ITPR2: variants seen among roughly 807,000 people sequenced by gnomAD.
The protein encoded by ITPR2 is inositol 1,4,5-trisphosphate receptor type 2.
In ITPR2, 207 loss-of-function variants were observed where a neutral mutation model predicts 317.1. That is an observed-to-expected ratio of 0.65 (90% CI 0.58 to 0.73). The LOEUF (loss-of-function observed/expected upper bound fraction) is 0.73, where lower values mean the gene tolerates loss of function less well. Among genes scored for constraint, ITPR2 ranks in the 30% least tolerant of loss-of-function variants. The probability of loss-of-function intolerance (pLI) is 0.00; values close to 1 mark genes in which losing one functional copy is unlikely to be tolerated. For synonymous variants in ITPR2, 1,156 were observed against 1,149.1 expected (o/e 1.01, Z -0.12); for missense variants, 2,613 against 3,284.0 (o/e 0.80, Z 4.99).
At chr12:26,677,966 G>C (rs1193677512) in intron 13 of ITPR2, among the ~76,000 whole-genome samples, 2 of 152,094 alleles carry the variant, frequency 1.3e-5, no homozygotes, top group Non-Finnish European at 2.9e-5. Flanking sequence ...ACCATCCCTC[G>C]AGAGGGTAAG....
At position 26,436,003 on chromosome 12, in the gene ITPR2, T is replaced by C. The variant is rs188351026; in HGVS notation, c.6769+218A>G. Among the ~76,000 whole-genome samples, 86 of 152,296 alleles carry C rather than the reference T, an allele frequency of 5.6e-4. 1 individual carries two copies. Among genetic ancestry groups the C allele is most frequent in the African/African-American group, 1.9e-3 (79 of 41,576 alleles). On this transcript the variant is annotated intron_variant, in intron 48 of 56. Coordinates refer to ENST00000381340, the MANE Select transcript of ITPR2 (RefSeq NM_002223.4). ...TTTCATTGCTTTATTTGCCAAGATA[T>C]AATATAGCTCTAATAACAATTGTGT... is the stretch of plus-strand genomic sequence containing the variant.
At position 26,585,075 on chromosome 12, in the gene ITPR2, T is replaced by C. The variant is rs565199622; in HGVS notation, c.4381-4920A>G. Among the ~76,000 whole-genome samples, 6 of 152,270 alleles carry C rather than the reference T, an allele frequency of 3.9e-5. No homozygotes were observed. The East Asian group carries it at 9.6e-4, about 24-fold the overall frequency. On this transcript the variant is annotated intron_variant, in intron 32 of 56. Coordinates refer to ENST00000381340, the MANE Select transcript of ITPR2 (RefSeq NM_002223.4). ...ACAACATTTTCATAATACCAATACA[T>C]ATTAATTGTAGGAACTCTGAAAAAT... is the stretch of plus-strand genomic sequence containing the variant.
chr12:26,602,270 C>G (rs1946018479), intron 28 of ITPR2, 100 bp downstream of exon 28: 2 of 1,347,142 alleles, frequency 1.5e-6, no homozygotes, highest in Non-Finnish European at 2.0e-6. Flanking sequence ...GTGATTTATT[C>G]TAAAATAATT....
rs537390299 is a variant in ITPR2 at position 26,494,666 on chromosome 12, A to C, written c.5183-326T>G. ...ATGACTGTAATCACAGCTACTTGGG[A>C]GGCTGAGGCAGGAGAATTGCTTGAA... On this transcript the variant is annotated intron_variant, in intron 38 of 56. Transcript: ENST00000381340. 2.0e-5 allele frequency among the ~76,000 whole-genome samples: 3 copies of C among 146,904 alleles called. No homozygotes were observed. In the East Asian group the frequency reaches 6.3e-4, roughly 31 times the overall value.
At chr12:26,393,665 T>C (rs1284403709) in intron 54 of ITPR2, among the ~76,000 whole-genome samples, 1 of 152,242 alleles carries the variant, frequency 6.6e-6, no homozygotes, top group Non-Finnish European at 1.5e-5. Flanking sequence ...TTACACTTAG[T>C]TTAAATTACT....
chr12:26,611,321 T>C (rs538927428), intron 26 of ITPR2, among the ~76,000 whole-genome samples: 13 of 152,260 alleles, frequency 8.5e-5, no homozygotes, highest in African/African-American at 3.1e-4. Flanking sequence ...TTCTGTTCCT[T>C]ACATCACACA....
intron 54 of ITPR2, among the ~76,000 whole-genome samples, chr12:26,392,213 C>T (rs540183125): frequency 1.3e-5 from 2 of 152,228 alleles, no homozygotes; most frequent in African/African-American, 2.4e-5. Flanking sequence ...AAACTTAACT[C>T]GTCAAAAATG....
At chr12:26,656,081 C>A (rs1214647813) in intron 19 of ITPR2, among the ~76,000 whole-genome samples, 1 of 152,132 alleles carries the variant, frequency 6.6e-6, no homozygotes, top group Non-Finnish European at 1.5e-5. Flanking sequence ...CTCATTACAT[C>A]AATATTATTT....
chr12:26,766,848 G>T lies in ITPR2; in HGVS notation c.163+23309C>A, dbSNP rs193111515. Among the ~76,000 whole-genome samples, 787 of 152,098 alleles carry T rather than the reference G, an allele frequency of 5.2e-3. 3 individuals are homozygous for T. Among genetic ancestry groups the T allele is most frequent in the South Asian group, 0.018 (86 of 4,818 alleles). ...GATTTCCTATATTCTAAAGAGAGAA[G>T]AAAAAAGGTAAAATTGAGGCAATAT... is the stretch of plus-strand genomic sequence containing the variant. On this transcript the variant is annotated intron_variant, in intron 2 of 56. Coordinates refer to ENST00000381340, the MANE Select transcript of ITPR2 (RefSeq NM_002223.4).
Position 26,654,132 on chromosome 12 carries a change from T to TAAA in ITPR2, c.2590-9_2590-7dup, listed in dbSNP as rs754965250. On this transcript the variant is annotated splice_region_variant and splice_polypyrimidine_tract_variant and intron_variant, in intron 20 of 56. Coordinates refer to ENST00000381340, the MANE Select transcript of ITPR2 (RefSeq NM_002223.4). ...TTCCGAGCCAAGTGGACCACCTTAA[T>TAAA]AAAAAAAAAAAAGCGGGGAGGGGGA... The TAAA allele has an allele frequency of 3.2e-4, 273 of 846,126 alleles. No homozygotes were observed. Among genetic ancestry groups the TAAA allele is most frequent in the South Asian group, 5.7e-4 (29 of 50,814 alleles). The allele number at this position is 846,126 out of a possible 1,614,324, so 52.4% of individuals were successfully genotyped here. A position where few individuals can be genotyped will look rare whatever the true frequency, so the allele number is the denominator to read the frequency against.
At chr12:26,690,351 A>G (rs1277866532) in intron 10 of ITPR2, among the ~76,000 whole-genome samples, 1 of 75,868 alleles carries the variant, frequency 1.3e-5, no homozygotes. Flanking sequence ...TGTAGAAGCA[A>G]TAAATGGCAA....
chr12:26,469,894 T>C (rs1212148169), intron 45 of ITPR2, among the ~76,000 whole-genome samples: 1 of 152,216 alleles, frequency 6.6e-6, no homozygotes, highest in East Asian at 1.9e-4. Context: ...CTTTTAAAAG[T>C]TAGGAGATTC....
chr12:26,433,244 T>A (rs762434177), intron 48 of ITPR2, among the ~76,000 whole-genome samples: 3 of 152,156 alleles, frequency 2.0e-5, no homozygotes, highest in Admixed American at 6.6e-5. Flanking sequence ...AAGCACCCCA[T>A]CCACTTGGAT....
chr12:26,711,302 A>T, intron 8 of ITPR2, 34 bp from the exon 9 acceptor site: 2 of 1,428,236 alleles, frequency 1.4e-6, no homozygotes, highest in Non-Finnish European at 2.0e-6. Context: ...ATGGCAAAAC[A>T]ATATTTATGT....
chr12:26,519,313 A>G (rs1943607517), intron 37 of ITPR2, among the ~76,000 whole-genome samples: 1 of 152,168 alleles, frequency 6.6e-6, no homozygotes, highest in Non-Finnish European at 1.5e-5. Flanking sequence ...GACCCAGTGG[A>G]ATTTGTTCCA....
At position 26,578,142 on chromosome 12, in the gene ITPR2, T is replaced by C. The variant is rs577151444; in HGVS notation, c.4630+571A>G. 1.4e-3 allele frequency among the ~76,000 whole-genome samples: 207 copies of C among 152,132 alleles called. 1 individual carries two copies. The highest frequency in any genetic ancestry group is 4.7e-3 in the African/African-American group (194 of 41,514). Reference sequence around the variant, plus strand: ...TTCTTCTCTCCTCTCCCCTCCACCATTGGGGGAATGGCCCTAATTAACTTA... The same window carrying C: ...TTCTTCTCTCCTCTCCCCTCCACCACTGGGGGAATGGCCCTAATTAACTTA... On this transcript the variant is annotated intron_variant, in intron 34 of 56. Coordinates refer to ENST00000381340, the MANE Select transcript of ITPR2 (RefSeq NM_002223.4).
chr12:26,748,670 A>C (rs753356757), intron 2 of ITPR2, among the ~76,000 whole-genome samples: 19 of 152,206 alleles, frequency 1.2e-4, no homozygotes, highest in Non-Finnish European at 2.6e-4. Context: ...AGTGAGAATT[A>C]TGATGGTTAT....
chr12:26,632,090 A>T (rs763579226), intron 21 of ITPR2, 31 bp from the exon 22 acceptor site: 1 of 1,495,488 alleles, frequency 6.7e-7, no homozygotes, highest in Admixed American at 2.3e-5. Flanking sequence ...AAGTCAACAC[A>T]CACAACCCCT....
At chr12:26,781,989 C>CATATATAT (rs1565759400) in intron 2 of ITPR2, among the ~76,000 whole-genome samples, 2 of 73,556 alleles carry the variant, frequency 2.7e-5, no homozygotes, top group Admixed American at 1.9e-4. Context: ...AATAAACTCC[C>CATATATAT]CTGTATATAT....
Sources: gnomAD v4.1 joint callset for allele counts (sites outside exome capture counted in the v4.1 genomes callset) on GRCh38, gnomAD v4.1.1 for gene constraint, MANE v1.5 for transcripts, NCBI Gene and HGNC (gene_info 2026-07-23, HGNC 2026-07-21) for gene names.